LRP1: variants seen among roughly 807,000 people sequenced by gnomAD.
The protein encoded by LRP1 is LDL receptor related protein 1.
Under a neutral mutation model 541.5 loss-of-function variants are expected in LRP1, and 51 were observed. The ratio of observed to expected loss-of-function variants is 0.09; its 90% confidence interval spans 0.08 to 0.12. The LOEUF (loss-of-function observed/expected upper bound fraction) is 0.12, where lower values mean the gene tolerates loss of function less well. LRP1 is among the 10% of genes least tolerant of loss of function. The pLI, the probability that LRP1 is intolerant of heterozygous loss-of-function variation, is 1.00. For missense variants in LRP1, 3,878 were observed against 6,376.2 expected (o/e 0.61, Z 13.34); for synonymous variants, 2,219 against 2,470.8 (o/e 0.90, Z 3.02).
At chr12:57,132,930 C>T (rs1251081470) in intron 1 of LRP1, among the ~76,000 whole-genome samples, 3 of 152,184 alleles carry the variant, frequency 2.0e-5, no homozygotes, top group Non-Finnish European at 2.9e-5. Flanking sequence ...AGTTCAGCAC[C>T]AAAAGTTTCC....
chr12:57,210,925 G>A, intron 83 of LRP1, 46 bp downstream of exon 83: 1 of 1,583,812 alleles, frequency 6.3e-7, no homozygotes, highest in Non-Finnish European at 8.6e-7. Flanking sequence ...GAGGGTGACG[G>A]GGGACCCCAG....
Position 57,156,805 on chromosome 12 carries a change from G to A in LRP1, c.1446G>A (p.Gln482=), listed in dbSNP as rs1184453834. 1 of 1,610,096 alleles carries A rather than the reference G, an allele frequency of 6.2e-7. No individual in the cohort carries two copies. The highest frequency in any genetic ancestry group is 1.1e-5 in the South Asian group (1 of 90,862). The part of the protein sequence containing the change: ...RVRSHACEND[Q]YGKPGGCSDI... Reference sequence around the variant, plus strand: ...GGAGCCATGCCTGTGAAAACGACCAGTATGGGAAGCCGGGTGGCTGCTCTG... The same window carrying A: ...GGAGCCATGCCTGTGAAAACGACCAATATGGGAAGCCGGGTGGCTGCTCTG... Residue 482 remains glutamine, a synonymous_variant, in exon 10 of 89, where the codon CAG becomes CAA. Coordinates refer to ENST00000243077, the MANE Select transcript of LRP1 (RefSeq NM_002332.3). This position sits in a 1 kb window ranked among gnomAD's most constrained non-coding sequence, Gnocchi z 5.2.
In LRP1 at chr12:57,193,891, T is replaced by C; in HGVS notation, c.7805-8T>C. The C allele has an allele frequency of 6.2e-7, 1 of 1,612,500 alleles. No individual in the cohort carries two copies. Among genetic ancestry groups the C allele is most frequent in the Non-Finnish European group, 8.5e-7 (1 of 1,178,782 alleles). ...TGGCCTGACGATACGGGGCGGGCACTGTTCTAGAGACAGCCTGTGGTGTGG... is the reference window on the plus strand; with the variant it reads ...TGGCCTGACGATACGGGGCGGGCACCGTTCTAGAGACAGCCTGTGGTGTGG... On this transcript the variant is annotated splice_region_variant and splice_polypyrimidine_tract_variant and intron_variant, in intron 47 of 88. Coordinates refer to ENST00000243077, the MANE Select transcript of LRP1 (RefSeq NM_002332.3).
At position 57,180,109 on chromosome 12, in the gene LRP1, C is replaced by T. The variant is rs766299326; in HGVS notation, c.5204C>T (p.Thr1735Ile). 3.7e-6 allele frequency: 6 copies of T among 1,613,880 alleles called. No homozygotes were observed. Among genetic ancestry groups the T allele is most frequent in the Non-Finnish European group, 4.2e-6 (5 of 1,180,032 alleles). ...SMANMDGSNRTLLFSGQKGPV... is the reference protein window; with the variant it reads ...SMANMDGSNRILLFSGQKGPV... ...GCCAACATGGATGGCAGCAATCGCA[C>T]CCTGCTCTTCAGTGGCCAGAAGGGC... Residue 1735 changes from threonine to isoleucine, a missense_variant, in exon 31 of 89, where the codon ACC (threonine) becomes ATC (isoleucine). Thr to Ile is a moderately conservative substitution (Grantham distance 89, BLOSUM62 -1). Transcript: ENST00000243077.
At position 57,156,579 on chromosome 12, in the gene LRP1, G is replaced by A. The variant is rs987119920; in HGVS notation, c.1418-198G>A. On this transcript the variant is annotated intron_variant, in intron 9 of 88. Coordinates refer to ENST00000243077, the MANE Select transcript of LRP1 (RefSeq NM_002332.3). The surrounding 1 kb of genome is among the most constrained non-coding windows in gnomAD (Gnocchi z 5.2). ...CCTGGAACTCTCTTCCCTGACTACT[G>A]AAGCCCCCACTCCAAGAGTTTGAAG... 6.6e-6 allele frequency among the ~76,000 whole-genome samples: 1 copy of A among 152,218 alleles called. No individual in the cohort carries two copies. Among genetic ancestry groups the A allele is most frequent in the Admixed American group, 6.5e-5 (1 of 15,286 alleles).
intron 45 of LRP1, 26 bp downstream of exon 45, chr12:57,192,996 G>C: frequency 3.7e-6 from 6 of 1,608,828 alleles, no homozygotes; most frequent in Non-Finnish European, 5.1e-6. Flanking sequence ...GGGAGGGGCT[G>C]GCGGGGAACC....
chr12:57,209,917 T>C (rs2036869764), intron 80 of LRP1, 49 bp downstream of exon 80: 2 of 1,603,558 alleles, frequency 1.2e-6, no homozygotes, highest in East Asian at 2.2e-5. Context: ...CTGTGGGCAT[T>C]GAGTCTCCAA....
In LRP1 at chr12:57,194,561, C is replaced by T. The variant is rs767862207; in HGVS notation, c.8069-16C>T. ...CCTGCGGTGAGCAGGGCCCTCACACCTGCCTCGCCCCCCAGGTGTGAAACG... is the reference window on the plus strand; with the variant it reads ...CCTGCGGTGAGCAGGGCCCTCACACTTGCCTCGCCCCCCAGGTGTGAAACG... On this transcript the variant is annotated splice_polypyrimidine_tract_variant and intron_variant, in intron 49 of 88. Transcript: ENST00000243077. The T allele has an allele frequency of 6.2e-7, 1 of 1,612,618 alleles. No individual in the cohort carries two copies. Among genetic ancestry groups the T allele is most frequent in the African/African-American group, 1.3e-5 (1 of 75,022 alleles).
intron 6 of LRP1, among the ~76,000 whole-genome samples, chr12:57,152,547 G>T (rs922551907): frequency 8.5e-5 from 13 of 152,142 alleles, no homozygotes; most frequent in Admixed American, 5.9e-4. Flanking sequence ...TACAGCGTGT[G>T]GGGCAAAGAA....
At position 57,211,501 on chromosome 12, in the gene LRP1, G is replaced by A. The variant is rs760124754; in HGVS notation, c.13106G>A (p.Arg4369Gln). The change falls in exon 85 of 89, where the codon CGG becomes CAG. Residue 4369 changes from arginine to glutamine, a missense_variant. Arg to Gln is a conservative substitution (Grantham distance 43). This residue lies in a region of LRP1 where 871 missense variants were observed against 1,212.4 expected (regional missense o/e 0.72). Transcript: ENST00000243077. The surrounding 1 kb of genome is among the most constrained non-coding windows in gnomAD (Gnocchi z 4.3). ...CCTTCCTGCAGCTGCACGGATGGCC[G>A]GGTGGCCCCCAGCTGTCTGACCTGC... ...GDVTCNCTDG[R>Q]VAPSCLTCVG... 13 of 1,613,828 alleles carry A rather than the reference G, an allele frequency of 8.1e-6. No individual in the cohort carries two copies. Among genetic ancestry groups the A allele is most frequent in the Admixed American group, 6.7e-5 (4 of 60,026 alleles).
rs896770748 is a variant in LRP1 at position 57,165,651 on chromosome 12, C to A, written c.2531-154C>A. On this transcript the variant is annotated intron_variant, in intron 15 of 88. Transcript: ENST00000243077. This position sits in a 1 kb window ranked among gnomAD's most constrained non-coding sequence, Gnocchi z 4.5. Reference sequence around the variant, plus strand: ...CTTGGGAAAGAATTGCAGTTTCCATCCAGATAATTTGTTTCATGAGGAATT... The same window carrying A: ...CTTGGGAAAGAATTGCAGTTTCCATACAGATAATTTGTTTCATGAGGAATT... 1 of 687,030 alleles carries A rather than the reference C, an allele frequency of 1.5e-6. No individual in the cohort carries two copies. The highest frequency in any genetic ancestry group is 1.8e-5 in the African/African-American group (1 of 55,432). 42.6% of individuals were successfully genotyped at this position (687,030 alleles called of 1,614,324 possible).
intron 12 of LRP1, 40 bp downstream of exon 12, chr12:57,160,045 T>G: frequency 6.3e-7 from 1 of 1,593,238 alleles, no homozygotes; most frequent in Non-Finnish European, 8.6e-7. Flanking sequence ...GAGCTGGGAG[T>G]GTGTGGGCCT....
chr12:57,158,568 C>G lies in LRP1; in HGVS notation c.1728C>G (p.Ala576=), dbSNP rs566214120. 1.2e-6 allele frequency: 2 copies of G among 1,614,142 alleles called. No homozygotes were observed. The highest frequency in any genetic ancestry group is 3.3e-5 in the Admixed American group (2 of 60,020). The stretch of plus-strand genomic sequence containing the variant: ...CTGAGACCGGCTTCATCTACTTTGC[C>G]GACACCACCAGCTACCTCATTGGCC... ...FHAETGFIYF[A]DTTSYLIGRQ... Residue 576 remains alanine (A), a synonymous_variant, in exon 11 of 89, where the codon GCC becomes GCG. Coordinates refer to ENST00000243077, the MANE Select transcript of LRP1 (RefSeq NM_002332.3). The surrounding 1 kb of genome is among the most constrained non-coding windows in gnomAD (Gnocchi z 5.3).
chr12:57,137,048 C>A (rs1206064029), intron 1 of LRP1, among the ~76,000 whole-genome samples: 1 of 152,074 alleles, frequency 6.6e-6, no homozygotes, highest in African/African-American at 2.4e-5. Context: ...TCGAGACCAG[C>A]CTGACCAACA....
Position 57,183,636 on chromosome 12 carries a change from C to T in LRP1, c.5794+126C>T. Reference sequence around the variant, plus strand: ...TGAGGTGGGGCACTTGCTACAGCTGCCACCCTGACTCCACCTCCCCTTCAA... The same window carrying T: ...TGAGGTGGGGCACTTGCTACAGCTGTCACCCTGACTCCACCTCCCCTTCAA... On this transcript the variant is annotated intron_variant, in intron 35 of 88. Transcript: ENST00000243077. This position sits in a 1 kb window ranked among gnomAD's most constrained non-coding sequence, Gnocchi z 6.1. 1 of 1,477,278 alleles carries T rather than the reference C, an allele frequency of 6.8e-7. No individual in the cohort carries two copies. The highest frequency in any genetic ancestry group is 1.3e-5 in the South Asian group (1 of 77,340). The allele number at this position is 1,477,278 out of a possible 1,614,324, so 91.5% of individuals were successfully genotyped here. A position where few individuals can be genotyped will look rare whatever the true frequency, so the allele number is the denominator to read the frequency against.
Position 57,197,508 on chromosome 12 carries a change from C to T in LRP1, c.9163-37C>T, listed in dbSNP as rs951103006. On this transcript the variant is annotated intron_variant, in intron 57 of 88. Coordinates refer to ENST00000243077, the MANE Select transcript of LRP1 (RefSeq NM_002332.3). The surrounding 1 kb of genome is among the most constrained non-coding windows in gnomAD (Gnocchi z 4.5). The stretch of plus-strand genomic sequence containing the variant: ...GATGCAAATGTGGCCCCTGTTGCCA[C>T]AACCGACTTCTGCTGTCCTTCACTC... 9 of 1,613,770 alleles carry T rather than the reference C, an allele frequency of 5.6e-6. No homozygotes were observed. The highest frequency in any genetic ancestry group is 7.6e-6 in the Non-Finnish European group (9 of 1,179,946).
chr12:57,181,756 C>A (rs185791769), intron 34 of LRP1, among the ~76,000 whole-genome samples: 4 of 152,032 alleles, frequency 2.6e-5, no homozygotes, highest in Non-Finnish European at 5.9e-5. Flanking sequence ...GAAACAGAGG[C>A]GGTTAAACCA....
chr12:57,167,454 C>G lies in LRP1; in HGVS notation c.2925C>G (p.Thr975=), dbSNP rs1283279590. The change falls in exon 19 of 89, where the codon ACC becomes ACG. Residue 975 remains threonine (T), a synonymous_variant. Coordinates refer to ENST00000243077, the MANE Select transcript of LRP1 (RefSeq NM_002332.3). ...CTTTCTTCCTCACAGCCTATCCCAC[C>G]TGCTTCCCCCTGACTCAGTTTACCT... ...SDESASCAYP[T]CFPLTQFTCN... is the part of the protein sequence containing the mutation. 6.2e-7 allele frequency: 1 copy of G among 1,613,824 alleles called. No homozygotes were observed.
Position 57,165,955 on chromosome 12 carries a change from A to C in LRP1, c.2671+10A>C, listed in dbSNP as rs759019909. 6.2e-7 allele frequency: 1 copy of C among 1,613,994 alleles called. No individual in the cohort carries two copies. Among genetic ancestry groups the C allele is most frequent in the South Asian group, 1.1e-5 (1 of 91,080 alleles). On this transcript the variant is annotated intron_variant, in intron 16 of 88. Coordinates refer to ENST00000243077, the MANE Select transcript of LRP1 (RefSeq NM_002332.3). This position sits in a 1 kb window ranked among gnomAD's most constrained non-coding sequence, Gnocchi z 4.5. ...GCCCCAGCCCTCTGCCGTGAGTCAC[A>C]CGCCCTGCCCCACCCTGTTGGATGG...
Sources: gnomAD v4.1 joint callset for allele counts (sites outside exome capture counted in the v4.1 genomes callset) on GRCh38, gnomAD v4.1.1 for gene constraint, gnomAD v4.1.1 regional missense constraint, Gnocchi (gnomAD v3.1) non-coding constraint, MANE v1.5 for transcripts, NCBI Gene and HGNC (gene_info 2026-07-23, HGNC 2026-07-21) for gene names.